KLC2: variants seen among roughly 807,000 people sequenced by gnomAD.
The protein encoded by KLC2 is KLC 2.
KLC2 carries 35 observed loss-of-function variants against 75.1 expected under a neutral mutation model. The ratio of observed to expected loss-of-function variants is 0.47; its 90% CI spans 0.36 to 0.62. The LOEUF is 0.62. KLC2 is among the 20% of genes least tolerant of loss of function. The pLI, the probability that KLC2 is intolerant of heterozygous loss-of-function variation, is 0.00. For synonymous variants in KLC2, 314 were observed against 336.7 expected (o/e 0.93, Z 0.74); for missense variants, 611 against 833.2 (o/e 0.73, Z 3.28).
chr11:66,264,450 T>C lies in KLC2; in HGVS notation c.1216+6T>C. 2 of 1,592,112 alleles carry C rather than the reference T, an allele frequency of 1.3e-6. No homozygotes were observed. Among genetic ancestry groups the C allele is most frequent in the South Asian group, 1.1e-5 (1 of 90,042 alleles). ...AGAGTTTGGCTCTGTCAATGGTGAG[T>C]GCGTGGTCACCAGGTGCCTCTAGCC... On this transcript the variant is annotated splice_donor_region_variant and intron_variant, in intron 9 of 15. Transcript: ENST00000394067.
chr11:66,247,080 T>C, the KLC2 span, among the ~76,000 whole-genome samples: 8 of 152,124 alleles, frequency 5.3e-5, no homozygotes, highest in Non-Finnish European at 1.0e-4. Context: ...GCAAACTCGG[T>C]TCTTCAGTTC....
chr11:66,251,571 G>A, the KLC2 span, among the ~76,000 whole-genome samples: 3 of 137,490 alleles, frequency 2.2e-5, 1 homozygote, highest in East Asian at 1.9e-4. Context: ...TCAGGAGTTC[G>A]AAACCAGCCT....
chr11:66,244,532 C>T, the KLC2 span: 2 of 152,358 alleles, frequency 1.3e-5, no homozygotes, highest in African/African-American at 4.8e-5. Context: ...TTTCTCTTGT[C>T]CTCTCACTCC....
chr11:66,256,475 G>A (rs1367133032), upstream of KLC2, among the ~76,000 whole-genome samples: 2 of 152,284 alleles, frequency 1.3e-5, no homozygotes, highest in East Asian at 1.9e-4. Context: ...TATAATCTCA[G>A]CTACTGGAGA....
At position 66,263,036 on chromosome 11, in the gene KLC2, G is replaced by A; in HGVS notation, c.752G>A (p.Arg251Gln). The A allele has an allele frequency of 1.2e-6, 2 of 1,611,086 alleles. No homozygotes were observed. Among genetic ancestry groups the A allele is most frequent in the Non-Finnish European group, 1.7e-6 (2 of 1,177,410 alleles). Reference sequence around the variant, plus strand: ...CTGAACATCCTGGCACTGGTCTATCGGTGAGGACTCTCTGGGGGTGCCCAA... The same window carrying A: ...CTGAACATCCTGGCACTGGTCTATCAGTGAGGACTCTCTGGGGGTGCCCAA... ...TMLNILALVY[R>Q]DQNKYKEAAH... Residue 251 changes from arginine (R) to glutamine (Q), a missense_variant and splice_region_variant, in exon 5 of 16, where the codon CGG (arginine) becomes CAG (glutamine). Coordinates refer to ENST00000394067, the MANE Select transcript of KLC2 (RefSeq NM_001318734.2).
At chr11:66,264,009 C>T (rs781400770) in intron 7 of KLC2, 37 bp from the exon 8 acceptor site, 2 of 1,610,534 alleles carry the variant, frequency 1.2e-6, no homozygotes, top group East Asian at 2.2e-5. Flanking sequence ...GCCCGGGCAG[C>T]CCTGAGCCCA....
chr11:66,267,577 C>T lies in KLC2; in HGVS notation c.*621C>T, dbSNP rs1212743307. ...CTACCCGCGCCATCGCCCCGTGGCC[C>T]AGGACGGGGACCTCCCCTTAGTCCG... On this transcript the variant is annotated 3_prime_UTR_variant, in exon 16 of 16. Coordinates refer to ENST00000394067, the MANE Select transcript of KLC2 (RefSeq NM_001318734.2). 7 of 622,080 alleles carry T rather than the reference C, an allele frequency of 1.1e-5. No homozygotes were observed. The highest frequency in any genetic ancestry group is 1.8e-5 in the African/African-American group (1 of 54,320). The allele number at this position is 622,080 out of a possible 1,614,324, so 38.5% of individuals were successfully genotyped here.
upstream of KLC2, among the ~76,000 whole-genome samples, chr11:66,255,311 TCCTGAGTTGC>T (rs2134779304): frequency 6.6e-6 from 1 of 152,334 alleles, no homozygotes; most frequent in South Asian, 2.1e-4. Flanking sequence ...CACCTCAGCC[TCCTGAGTTGC>T]TAGGACTACA....
chr11:66,265,243 G>A lies in KLC2; in HGVS notation c.1334+8G>A. ...GGCCTGTAAAGTAGACAGGTGAGTG[G>A]GGCGGGGCTGGGCTGGGGAGCAGGG... On this transcript the variant is annotated splice_region_variant and intron_variant, in intron 11 of 15. Coordinates refer to ENST00000394067, the MANE Select transcript of KLC2 (RefSeq NM_001318734.2). 6.4e-7 allele frequency: 1 copy of A among 1,561,290 alleles called. No homozygotes were observed. The highest frequency in any genetic ancestry group is 8.8e-7 in the Non-Finnish European group (1 of 1,131,412).
the KLC2 span, among the ~76,000 whole-genome samples, chr11:66,248,110 T>C: frequency 6.6e-6 from 1 of 152,174 alleles, no homozygotes; most frequent in Non-Finnish European, 1.5e-5. Flanking sequence ...ATGCAGAAAG[T>C]GGAAGAGCCT....
the KLC2 span, among the ~76,000 whole-genome samples, chr11:66,247,212 T>C: frequency 6.6e-6 from 1 of 152,202 alleles, no homozygotes; most frequent in Non-Finnish European, 1.5e-5. Context: ...ACTGCGATTA[T>C]CTCTTGTCTG....
At chr11:66,255,764 T>G (rs1484973993), upstream of KLC2, among the ~76,000 whole-genome samples, 1 of 146,816 alleles carries the variant, frequency 6.8e-6, no homozygotes, top group Admixed American at 6.8e-5. Flanking sequence ...TGCCTTTTTT[T>G]TTTTTAGTTT....
chr11:66,251,151 G>A, the KLC2 span, among the ~76,000 whole-genome samples: 1 of 152,238 alleles, frequency 6.6e-6, no homozygotes, highest in African/African-American at 2.4e-5. Context: ...ATAAATCTGA[G>A]AGCGACTTAA....
In KLC2 at chr11:66,263,553, CTG is replaced by C; in HGVS notation, c.753-105_753-104del. 3 of 744,716 alleles carry C rather than the reference CTG, an allele frequency of 4.0e-6. No individual in the cohort carries two copies. In the South Asian group the frequency reaches 5.2e-5, roughly 13 times the overall value. The allele number at this position is 744,716 out of a possible 1,614,324, so 46.1% of individuals were successfully genotyped here. A position where few individuals can be genotyped will look rare whatever the true frequency, so the allele number is the denominator to read the frequency against. ...GTCTCCCCACACTCTGGGTCTCACT[CTG>C]TCATACACACTCAGTGAGTACAGGA... On this transcript the variant is annotated intron_variant, in intron 5 of 15. Coordinates refer to ENST00000394067, the MANE Select transcript of KLC2 (RefSeq NM_001318734.2).
rs369870611 is a variant in KLC2, at chr11:66,262,167, C to T, written c.504C>T (p.Phe168=). The T allele has an allele frequency of 9.0e-5, 145 of 1,613,398 alleles. No individual in the cohort carries two copies. The highest frequency in any genetic ancestry group is 7.1e-4 in the South Asian group (65 of 91,030). The part of the protein sequence containing the change: ...DVPKDTLDDL[F]PNEDEQSPAP... ...CCAAAGACACACTGGATGACCTGTT[C>T]CCCAATGAGGATGAGCAGAGCCCAG... The change falls in exon 4 of 16, where the codon TTC becomes TTT. Residue 168 remains phenylalanine, a synonymous_variant. Coordinates refer to ENST00000394067, the MANE Select transcript of KLC2 (RefSeq NM_001318734.2).
In KLC2 at chr11:66,265,058, C is replaced by A; in HGVS notation, c.1252C>A (p.Arg418=). 4 of 1,612,828 alleles carry A rather than the reference C, an allele frequency of 2.5e-6. No homozygotes were observed. The highest frequency in any genetic ancestry group is 3.4e-6 in the Non-Finnish European group (4 of 1,179,130). The change falls in exon 10 of 16, where the codon CGG becomes AGG. Residue 418 remains arginine, a synonymous_variant. Transcript: ENST00000394067. ...NKPIWMHAEE[R]EESKDKRRDS... is the part of the protein sequence containing the mutation. ...GCCCATCTGGATGCACGCAGAGGAG[C>A]GGGAGGAAAGCAAGGTAGCTCTGTG...
Position 66,264,233 on chromosome 11 carries a change from G to C in KLC2, c.1116+14G>C. The C allele has an allele frequency of 6.4e-7, 1 of 1,568,708 alleles. No homozygotes were observed. ...AAGAACAACCTGGTACCTTGGGGCTGAGAGGAGCTGGAGGATGGGAAGGAG... is the reference window on the plus strand; with the variant it reads ...AAGAACAACCTGGTACCTTGGGGCTCAGAGGAGCTGGAGGATGGGAAGGAG... On this transcript the variant is annotated intron_variant, in intron 8 of 15. Coordinates refer to ENST00000394067, the MANE Select transcript of KLC2 (RefSeq NM_001318734.2).
At chr11:66,252,057 G>C in the KLC2 span, among the ~76,000 whole-genome samples, 1 of 152,194 alleles carries the variant, frequency 6.6e-6, no homozygotes, top group African/African-American at 2.4e-5. Flanking sequence ...GCTCACGCTT[G>C]CTTCTATTCA....
chr11:66,258,972 A>G (rs539542803), intron 2 of KLC2, 150 bp downstream of exon 2: 13 of 630,474 alleles, frequency 2.1e-5, no homozygotes, highest in South Asian at 1.8e-4. Flanking sequence ...TTTTGAAGAA[A>G]TAAATGCACT....
Sources: allele counts gnomAD v4.1 joint callset (sites outside exome capture counted in the v4.1 genomes callset), GRCh38; gene constraint gnomAD v4.1.1; transcripts MANE v1.5; gene names NCBI Gene and HGNC (gene_info 2026-07-23, HGNC 2026-07-21).